Variants in ERC1 observed in about 807,000 individuals in gnomAD.
The protein encoded by ERC1 is RAB6 interacting protein 2.
A neutral mutation model predicts 132.0 loss-of-function variants in ERC1; 56 were observed. The observed-to-expected ratio is 0.42, with a 90% CI of 0.34 to 0.53. ERC1 has a LOEUF of 0.53. Among genes scored for constraint, ERC1 ranks in the 20% least tolerant of loss-of-function variants. The probability of loss-of-function intolerance (pLI) is 0.03; values close to 1 mark genes in which losing one functional copy is unlikely to be tolerated. For synonymous variants in ERC1, 478 were observed against 476.1 expected, an observed-to-expected ratio of 1.00 and a Z score of -0.05; for missense variants, 1,202 against 1,349.9, an observed-to-expected ratio of 0.89 and a Z score of 1.72.
At chr12:1,152,724 G>A (rs919244442) in intron 8 of ERC1, 19 of 154,358 alleles carry the variant, frequency 1.2e-4, no homozygotes, top group African/African-American at 4.6e-4. Context: ...TCGGTTGGAG[G>A]CCATGTAGCA....
At chr12:1,265,314 A>AATAG (rs145835186) in intron 14 of ERC1, among the ~76,000 whole-genome samples, 6,558 of 152,288 alleles carry the variant, frequency 0.043, 493 homozygotes, top group African/African-American at 0.15. Context: ...GGCAATTAAT[A>AATAG]ATCATGTCAT....
At chr12:1,365,608 A>G (rs575759467) in intron 15 of ERC1, among the ~76,000 whole-genome samples, 4 of 152,342 alleles carry the variant, frequency 2.6e-5, no homozygotes, top group African/African-American at 7.2e-5. Context: ...CTAGCAAAGT[A>G]TATCAGCGTA....
chr12:1,315,485 G>A (rs1356340340), intron 15 of ERC1, among the ~76,000 whole-genome samples: 2 of 151,820 alleles, frequency 1.3e-5, no homozygotes, highest in Non-Finnish European at 2.9e-5. Context: ...CAAGTATCTG[G>A]GATTACAGGT....
intron 15 of ERC1, among the ~76,000 whole-genome samples, chr12:1,311,635 A>T (rs1391777139): frequency 6.6e-6 from 1 of 152,070 alleles, no homozygotes; most frequent in Non-Finnish European, 1.5e-5. Flanking sequence ...TTTCTCGTGT[A>T]TCAGGCAACT....
rs549594505 is a variant in ERC1 at position 1,490,751 on chromosome 12, C to T, written c.*521C>T. 3.4e-5 allele frequency: 8 copies of T among 234,016 alleles called. No homozygotes were observed. Among genetic ancestry groups the T allele is most frequent in the East Asian group, 6.0e-5 (1 of 16,592 alleles). 14.5% of individuals were successfully genotyped at this position (234,016 alleles called of 1,614,324 possible). ...AGAAGGGGGGAAGGGAAGAGAAAAT[C>T]GACTCTTCTTTTTACTGTCTCTTCT... On this transcript the variant is annotated 3_prime_UTR_variant, in exon 19 of 19. Coordinates refer to ENST00000360905, the MANE Select transcript of ERC1 (RefSeq NM_178040.4).
intron 12 of ERC1, among the ~76,000 whole-genome samples, chr12:1,198,296 G>A (rs1354046823): frequency 6.6e-6 from 1 of 152,098 alleles, no homozygotes; most frequent in East Asian, 1.9e-4. Flanking sequence ...TAGTAGCTTG[G>A]GAGGTTATTT....
intron 15 of ERC1, among the ~76,000 whole-genome samples, chr12:1,327,378 G>A (rs866110111): frequency 1.3e-5 from 2 of 152,172 alleles, no homozygotes; most frequent in African/African-American, 2.4e-5. Context: ...GTTACCTACA[G>A]TAGGATTTAG....
intron 2 of ERC1, 59 bp downstream of exon 2, chr12:1,028,631 C>T: frequency 7.4e-7 from 1 of 1,347,610 alleles, no homozygotes; most frequent in Non-Finnish European, 1.0e-6. Context: ...ATGAAATAGC[C>T]TTTTTTTCCC....
intron 13 of ERC1, among the ~76,000 whole-genome samples, chr12:1,244,303 T>A (rs1303718954): frequency 6.6e-6 from 1 of 152,226 alleles, no homozygotes; most frequent in Non-Finnish European, 1.5e-5. Context: ...CTTATTTTAA[T>A]CATTTTTATC....
intron 2 of ERC1, among the ~76,000 whole-genome samples, chr12:1,076,248 A>G (rs1280304742): frequency 6.6e-6 from 1 of 152,190 alleles, no homozygotes; most frequent in African/African-American, 2.4e-5. Flanking sequence ...ATTATCTGAA[A>G]ATGCTTCTTT....
intron 1 of ERC1, among the ~76,000 whole-genome samples, chr12:1,010,473 CTG>C (rs1316218917): frequency 7.5e-6 from 1 of 133,936 alleles, no homozygotes; most frequent in Non-Finnish European, 1.6e-5. Context: ...GAGGAAGACT[CTG>C]TCTCCAAAAA....
At chr12:1,302,240 G>GA (rs34075930) in intron 15 of ERC1, among the ~76,000 whole-genome samples, 4 of 151,994 alleles carry the variant, frequency 2.6e-5, no homozygotes, top group African/African-American at 7.2e-5. Context: ...ACAAAATACA[G>GA]AAAAAAATCA....
chr12:1,175,465 CA>C (rs57139834), intron 8 of ERC1, among the ~76,000 whole-genome samples: 73 of 142,050 alleles, frequency 5.1e-4, no homozygotes, highest in South Asian at 2.0e-3. Context: ...GATTCTGTCT[CA>C]AAAAAAAAAA....
At chr12:1,106,143 T>C (rs1301384506) in intron 4 of ERC1, among the ~76,000 whole-genome samples, 1 of 152,240 alleles carries the variant, frequency 6.6e-6, no homozygotes, top group East Asian at 1.9e-4. Context: ...TGCCTCAGTT[T>C]CTTTATCAAC....
At chr12:1,173,144 T>C (rs1953267524) in intron 8 of ERC1, among the ~76,000 whole-genome samples, 1 of 152,226 alleles carries the variant, frequency 6.6e-6, no homozygotes, top group Admixed American at 6.5e-5. Context: ...TAAGAAATCA[T>C]TTATGGAAAG....
At chr12:1,019,968 T>TA (rs1213827744) in intron 1 of ERC1, among the ~76,000 whole-genome samples, 24 of 151,834 alleles carry the variant, frequency 1.6e-4, no homozygotes, top group Non-Finnish European at 2.6e-4. Context: ...TTGTCCAGGC[T>TA]GGTCTTGAAC....
chr12:1,471,973 C>G (rs2093871425), intron 18 of ERC1, among the ~76,000 whole-genome samples: 1 of 152,220 alleles, frequency 6.6e-6, no homozygotes, highest in Non-Finnish European at 1.5e-5. Flanking sequence ...CCCTGTACCT[C>G]TTGAGACCTC....
At chr12:1,284,165 T>C (rs1236215912) in intron 14 of ERC1, among the ~76,000 whole-genome samples, 2 of 152,316 alleles carry the variant, frequency 1.3e-5, no homozygotes, top group Admixed American at 1.3e-4. Flanking sequence ...AACATCTGTC[T>C]TTCCGTGCCT....
intron 8 of ERC1, 132 bp downstream of exon 8, chr12:1,141,919 G>T: frequency 1.5e-6 from 1 of 680,122 alleles, no homozygotes; most frequent in Non-Finnish European, 2.2e-6. Context: ...TAGTAATTTG[G>T]AACTCTTGTT....
Sources: allele counts gnomAD v4.1 joint callset (sites outside exome capture counted in the v4.1 genomes callset), GRCh38; gene constraint gnomAD v4.1.1; transcripts MANE v1.5; gene names NCBI Gene and HGNC (gene_info 2026-07-23, HGNC 2026-07-21).